The following PPP2R2B variants were observed in gnomAD, a reference collection of about 807,000 sequenced individuals.
PPP2R2B encodes protein phosphatase 2 regulatory subunit Bbeta.
In PPP2R2B, 5 loss-of-function variants were observed where a neutral mutation model predicts 46.0. The ratio of observed to expected loss-of-function variants is 0.11; its 90% CI spans 0.06 to 0.23. The LOEUF is 0.23. Ranked by LOEUF, PPP2R2B falls within the 10% of genes least tolerant of loss-of-function variation. The pLI, the probability that PPP2R2B is intolerant of heterozygous loss-of-function variation, is 1.00. For synonymous variants in PPP2R2B, 215 were observed against 206.7 expected (o/e 1.04, Z -0.34); for missense variants, 367 against 575.0 (o/e 0.64, Z 3.70).
intron 1 of PPP2R2B, among the ~76,000 whole-genome samples, chr5:146,979,558 A>AACAC (rs34864782): frequency 0.029 from 4,008 of 137,294 alleles, 132 homozygotes; most frequent in African/African-American, 0.083. Flanking sequence ...CCCACCTTGA[A>AACAC]ACACACACAC....
chr5:146,851,140 G>A (rs1760324009), intron 2 of PPP2R2B, among the ~76,000 whole-genome samples: 1 of 152,106 alleles, frequency 6.6e-6, no homozygotes, highest in Admixed American at 6.6e-5. Flanking sequence ...ATGCAGTAAA[G>A]GTTCACAATG....
At chr5:146,935,672 A>G (rs1764115362) in intron 1 of PPP2R2B, among the ~76,000 whole-genome samples, 14 of 152,284 alleles carry the variant, frequency 9.2e-5, no homozygotes, top group Admixed American at 8.5e-4. Flanking sequence ...GATTGAAAGT[A>G]AAGAGGGCAA....
chr5:146,736,678 T>C (rs1173933448), intron 2 of PPP2R2B, among the ~76,000 whole-genome samples: 2 of 152,168 alleles, frequency 1.3e-5, no homozygotes, highest in East Asian at 1.9e-4. Context: ...CATCCCACAA[T>C]TGGTATTTGA....
chr5:146,589,895 C>CTTGT lies in PPP2R2B; in HGVS notation c.*48_*51dup, dbSNP rs1426361834. On this transcript the variant is annotated 3_prime_UTR_variant, in exon 10 of 10. Coordinates refer to ENST00000394411, the MANE Select transcript of PPP2R2B (RefSeq NM_181675.4). ...GAAGACCCAAAGAAACATTTAAAAACTTGTTTGACTAGTATTCAGTATGTG... is the reference window on the plus strand; with the variant it reads ...GAAGACCCAAAGAAACATTTAAAAACTTGTTTGTTTGACTAGTATTCAGTATGTG... The CTTGT allele has an allele frequency of 3.3e-6, 5 of 1,537,598 alleles. No homozygotes were observed. The East Asian group carries it at 6.8e-5, about 21-fold the overall frequency.
intron 7 of PPP2R2B, among the ~76,000 whole-genome samples, chr5:146,602,129 T>C (rs1771845244): frequency 6.6e-6 from 1 of 152,220 alleles, no homozygotes. Context: ...TTTTCTTTTC[T>C]CTGAAGCCCT....
chr5:146,714,333 T>A (rs917746079), intron 2 of PPP2R2B, among the ~76,000 whole-genome samples: 1 of 152,016 alleles, frequency 6.6e-6, no homozygotes, highest in Non-Finnish European at 1.5e-5. Flanking sequence ...CGGAGTAGGT[T>A]TCAGAGAGAA....
intron 2 of PPP2R2B, among the ~76,000 whole-genome samples, chr5:146,779,279 G>A (rs1755365999): frequency 6.6e-6 from 1 of 152,100 alleles, no homozygotes; most frequent in South Asian, 2.1e-4. Context: ...GAGACTGAAG[G>A]GGCTGGATGC....
intron 1 of PPP2R2B, chr5:146,914,544 T>A (rs571518481): frequency 3.3e-5 from 5 of 152,352 alleles, no homozygotes; most frequent in South Asian, 4.1e-4. Flanking sequence ...AAATTTGATC[T>A]CCTGACATAA....
At chr5:147,039,760 T>A (rs1561593236) in intron 1 of PPP2R2B, among the ~76,000 whole-genome samples, 1 of 152,214 alleles carries the variant, frequency 6.6e-6, no homozygotes, top group Non-Finnish European at 1.5e-5. Flanking sequence ...ATGCTTGCCA[T>A]GATTAATCAA....
At chr5:146,750,749 A>G (rs191600076) in intron 2 of PPP2R2B, among the ~76,000 whole-genome samples, 48 of 152,318 alleles carry the variant, frequency 3.2e-4, no homozygotes, top group Admixed American at 1.5e-3. Context: ...TATGGCTTAT[A>G]TATTTTCAAC....
chr5:147,062,406 G>A (rs1757285927), intron 2 of PPP2R2B, among the ~76,000 whole-genome samples: 1 of 152,130 alleles, frequency 6.6e-6, no homozygotes, highest in Non-Finnish European at 1.5e-5. Flanking sequence ...ATTCATCTGA[G>A]GATTCATTCA....
At chr5:146,906,917 T>G (rs147817583) in intron 1 of PPP2R2B, among the ~76,000 whole-genome samples, 1 of 152,304 alleles carries the variant, frequency 6.6e-6, no homozygotes, top group African/African-American at 2.4e-5. Flanking sequence ...TGATTAAATT[T>G]AAAGAGACAA....
At chr5:146,698,901 G>A (rs1779377785) in intron 3 of PPP2R2B, among the ~76,000 whole-genome samples, 1 of 151,892 alleles carries the variant, frequency 6.6e-6, no homozygotes, top group Non-Finnish European at 1.5e-5. Context: ...CATACATGAT[G>A]AGAGAATTAA....
chr5:146,683,991 G>A (rs556339470), intron 5 of PPP2R2B, among the ~76,000 whole-genome samples: 10 of 152,298 alleles, frequency 6.6e-5, no homozygotes, highest in African/African-American at 1.4e-4. Flanking sequence ...AGGATAGAGC[G>A]AAGGTTGAGA....
chr5:146,704,001 G>T (rs1779690770), intron 2 of PPP2R2B, among the ~76,000 whole-genome samples: 1 of 152,048 alleles, frequency 6.6e-6, no homozygotes, highest in Non-Finnish European at 1.5e-5. Context: ...TCATGCTATT[G>T]TCTACTTCCC....
At chr5:146,780,154 G>C (rs569824450) in intron 2 of PPP2R2B, among the ~76,000 whole-genome samples, 1 of 152,136 alleles carries the variant, frequency 6.6e-6, no homozygotes, top group African/African-American at 2.4e-5. Flanking sequence ...ACACTTTGTA[G>C]AGCTGTGGTA....
At chr5:146,870,639 A>C (rs1020024495) in intron 2 of PPP2R2B, among the ~76,000 whole-genome samples, 2 of 152,142 alleles carry the variant, frequency 1.3e-5, no homozygotes, top group African/African-American at 4.8e-5. Flanking sequence ...AGGCCAGTAC[A>C]CCTGAAACAC....
intron 2 of PPP2R2B, among the ~76,000 whole-genome samples, chr5:146,847,356 C>T (rs1760070990): frequency 6.6e-6 from 1 of 152,198 alleles, no homozygotes; most frequent in South Asian, 2.1e-4. Flanking sequence ...TCACACCAGT[C>T]ATTCTGAACT....
intron 7 of PPP2R2B, among the ~76,000 whole-genome samples, chr5:146,614,228 C>T (rs1223331951): frequency 8.3e-6 from 1 of 119,946 alleles, no homozygotes; most frequent in East Asian, 2.7e-4. Context: ...TTTGACAAAC[C>T]TGAGAAAAAC....
Sources: gnomAD v4.1 joint callset for allele counts (sites outside exome capture counted in the v4.1 genomes callset) on GRCh38, gnomAD v4.1.1 for gene constraint, MANE v1.5 for transcripts, NCBI Gene and HGNC (gene_info 2026-07-23, HGNC 2026-07-21) for gene names.